Variants in WIF1 observed in about 807,000 individuals in gnomAD.
The protein encoded by WIF1 is Wnt inhibitory factor 1.
A neutral mutation model predicts 53.5 loss-of-function variants in WIF1; 35 were observed. The ratio of observed to expected loss-of-function variants is 0.65; its 90% CI spans 0.50 to 0.87. The LOEUF is 0.87. WIF1 is among the 40% of genes least tolerant of loss of function. The pLI, the probability that WIF1 is intolerant of heterozygous loss-of-function variation, is 0.00. For synonymous variants in WIF1, 171 were observed against 170.4 expected, an observed-to-expected ratio of 1.00 and a Z score of -0.03; for missense variants, 467 against 476.8, an observed-to-expected ratio of 0.98 and a Z score of 0.19.
chr12:65,110,621 G>A (rs1388660948), intron 2 of WIF1, among the ~76,000 whole-genome samples: 3 of 152,280 alleles, frequency 2.0e-5, no homozygotes, highest in African/African-American at 4.8e-5. Context: ...GACCCTGGTC[G>A]TCTGTGCCTC....
At chr12:65,120,963 G>T in intron 1 of WIF1, 81 bp downstream of exon 1, 1 of 1,355,478 alleles carries the variant, frequency 7.4e-7, no homozygotes, top group East Asian at 2.8e-5. Flanking sequence ...TAAAACACAA[G>T]AAACGCAGGT....
intron 2 of WIF1, among the ~76,000 whole-genome samples, chr12:65,119,903 GT>G (rs1565763331): frequency 1.3e-5 from 2 of 152,234 alleles, no homozygotes; most frequent in African/African-American, 4.8e-5. Flanking sequence ...ATTTTATAAC[GT>G]TCTTACATGA....
At chr12:65,055,774 C>T (rs1159952133) in intron 8 of WIF1, among the ~76,000 whole-genome samples, 1 of 152,148 alleles carries the variant, frequency 6.6e-6, no homozygotes, top group Non-Finnish European at 1.5e-5. Context: ...GACTCCGTCT[C>T]AAAAAACAAA....
chr12:65,064,370 C>T (rs953260301), intron 6 of WIF1, among the ~76,000 whole-genome samples: 14 of 152,196 alleles, frequency 9.2e-5, no homozygotes, highest in African/African-American at 2.4e-4. Context: ...GCTAGAGACA[C>T]GAAGTATCTT....
At chr12:65,103,832 T>G (rs1883315718) in intron 2 of WIF1, among the ~76,000 whole-genome samples, 1 of 152,190 alleles carries the variant, frequency 6.6e-6, no homozygotes, top group South Asian at 2.1e-4. Context: ...TGCCTCTAAC[T>G]TCTCACGTGT....
chr12:65,056,166 G>T, intron 7 of WIF1, 40 bp from the exon 8 acceptor site: 2 of 1,574,666 alleles, frequency 1.3e-6, no homozygotes, highest in Non-Finnish European at 1.7e-6. Context: ...GGAACCTGGT[G>T]CTTCATTCAG....
chr12:65,092,619 C>T (rs1478625140), intron 2 of WIF1, among the ~76,000 whole-genome samples: 1 of 151,808 alleles, frequency 6.6e-6, no homozygotes, highest in African/African-American at 2.4e-5. Context: ...AGAGAGCAAG[C>T]TATGCAGATA....
intron 7 of WIF1, among the ~76,000 whole-genome samples, chr12:65,058,091 CT>C (rs5798766): frequency 0.78 from 116,593 of 149,218 alleles, 45,600 homozygotes; most frequent in East Asian, 1. Context: ...AAAGAAGGTC[CT>C]TTTTTTTTTT....
chr12:65,105,820 A>C (rs1297210775), intron 2 of WIF1, among the ~76,000 whole-genome samples: 1 of 152,176 alleles, frequency 6.6e-6, no homozygotes, highest in African/African-American at 2.4e-5. Flanking sequence ...ATTAAACTTC[A>C]AGATGAGTTT....
At chr12:65,121,014 A>C (rs1173006484) in intron 1 of WIF1, 30 bp downstream of exon 1, 1 of 1,433,926 alleles carries the variant, frequency 7.0e-7, no homozygotes, top group Non-Finnish European at 9.2e-7. Context: ...GGACATAGGC[A>C]GGGGAAGGCG....
intron 2 of WIF1, among the ~76,000 whole-genome samples, chr12:65,087,509 A>G (rs1432855464): frequency 6.6e-6 from 1 of 152,144 alleles, no homozygotes; most frequent in Non-Finnish European, 1.5e-5. Context: ...ATGACTTCCA[A>G]AATATTTAAA....
chr12:65,098,325 G>A (rs1337402911), intron 2 of WIF1, among the ~76,000 whole-genome samples: 1 of 152,058 alleles, frequency 6.6e-6, no homozygotes, highest in Non-Finnish European at 1.5e-5. Flanking sequence ...TTTGTAAACA[G>A]GCCAGTCTTC....
chr12:65,093,742 G>T (rs1436652707), intron 2 of WIF1, among the ~76,000 whole-genome samples: 1 of 152,072 alleles, frequency 6.6e-6, no homozygotes, highest in African/African-American at 2.4e-5. Flanking sequence ...CTGATGTGAT[G>T]AGAGAAAGTT....
chr12:65,076,095 T>C (rs1421821857), intron 3 of WIF1, among the ~76,000 whole-genome samples: 1 of 152,200 alleles, frequency 6.6e-6, no homozygotes, highest in Non-Finnish European at 1.5e-5. Context: ...TGGAGTGCAG[T>C]GGTGCAATCA....
intron 2 of WIF1, among the ~76,000 whole-genome samples, chr12:65,117,303 T>C (rs1883527626): frequency 6.6e-6 from 1 of 152,216 alleles, no homozygotes; most frequent in African/African-American, 2.4e-5. Context: ...AAGGTTTACA[T>C]GCACATTAGC....
At chr12:65,067,842 G>T in intron 4 of WIF1, 52 bp from the exon 5 acceptor site, 1 of 1,504,588 alleles carries the variant, frequency 6.6e-7, no homozygotes, top group Non-Finnish European at 9.2e-7. Context: ...ATCATGTTGG[G>T]TGAATCACAG....
chr12:65,106,076 G>C (rs773120755), intron 2 of WIF1, among the ~76,000 whole-genome samples: 1 of 152,138 alleles, frequency 6.6e-6, no homozygotes, highest in Non-Finnish European at 1.5e-5. Flanking sequence ...CCATGGGTCA[G>C]GATATCTCCA....
intron 2 of WIF1, among the ~76,000 whole-genome samples, chr12:65,113,516 T>C (rs112586660): frequency 0.031 from 4,758 of 152,130 alleles, 160 homozygotes; most frequent in African/African-American, 0.083. Context: ...ACAGCAGAGT[T>C]TACATTTATG....
At chr12:65,105,453 T>G (rs1433685372) in intron 2 of WIF1, among the ~76,000 whole-genome samples, 1 of 152,194 alleles carries the variant, frequency 6.6e-6, no homozygotes, top group African/African-American at 2.4e-5. Flanking sequence ...AAGAGTTTAT[T>G]TAGCTCTTGA....
Sources: allele counts gnomAD v4.1 joint callset (sites outside exome capture counted in the v4.1 genomes callset), GRCh38; gene constraint gnomAD v4.1.1; transcripts MANE v1.5; gene names NCBI Gene and HGNC (gene_info 2026-07-23, HGNC 2026-07-21).